The following NAALADL2 variants were observed in gnomAD, a reference collection of about 807,000 sequenced individuals.
NAALADL2 encodes inactive N-acetylated-alpha-linked acidic dipeptidase-like protein 2.
A neutral mutation model predicts 87.2 loss-of-function variants in NAALADL2; 76 were observed. The observed-to-expected ratio is 0.87, with a 90% CI of 0.72 to 1.05. NAALADL2 has a LOEUF of 1.05. Ranked by LOEUF, NAALADL2 falls within the 50% of genes least tolerant of loss-of-function variation. The probability of loss-of-function intolerance (pLI) is 0.00; values close to 1 mark genes in which losing one functional copy is unlikely to be tolerated. For missense variants in NAALADL2, 1,089 were observed against 945.8 expected (o/e 1.15, Z -1.99); for synonymous variants, 354 against 331.0 (o/e 1.07, Z -0.75).
At chr3:174,469,457 C>T (rs1258111914) in intron 1 of NAALADL2, among the ~76,000 whole-genome samples, 2 of 150,864 alleles carry the variant, frequency 1.3e-5, no homozygotes, top group Non-Finnish European at 2.9e-5. Context: ...GAGATGGAGT[C>T]TCGCTCTGTC....
chr3:175,125,779 T>C (rs1054242730), intron 2 of NAALADL2, among the ~76,000 whole-genome samples: 14 of 152,030 alleles, frequency 9.2e-5, no homozygotes, highest in African/African-American at 2.7e-4. Context: ...AGAGTCTATT[T>C]TGGAGATAAA....
chr3:175,770,555 T>G (rs1749356644), intron 13 of NAALADL2, among the ~76,000 whole-genome samples: 1 of 152,200 alleles, frequency 6.6e-6, no homozygotes, highest in Non-Finnish European at 1.5e-5. Context: ...AATAATTGCA[T>G]GCAAATAGTA....
At chr3:174,516,866 A>G (rs187984124) in intron 1 of NAALADL2, among the ~76,000 whole-genome samples, 1 of 152,006 alleles carries the variant, frequency 6.6e-6, no homozygotes, top group Non-Finnish European at 1.5e-5. Context: ...GTTGTTATAT[A>G]TACAAAGAAT....
At chr3:175,309,411 C>A (rs1560331830) in intron 4 of NAALADL2, among the ~76,000 whole-genome samples, 1 of 152,124 alleles carries the variant, frequency 6.6e-6, no homozygotes, top group Non-Finnish European at 1.5e-5. Flanking sequence ...GTCTCAAACT[C>A]CTGACCTCAG....
At chr3:175,756,024 T>C (rs1747222625) in intron 13 of NAALADL2, among the ~76,000 whole-genome samples, 1 of 152,142 alleles carries the variant, frequency 6.6e-6, no homozygotes, top group Non-Finnish European at 1.5e-5. Context: ...TGAAGTTCCT[T>C]ATATAGTAGA....
chr3:174,607,394 C>G (rs1292034640), intron 2 of NAALADL2, among the ~76,000 whole-genome samples: 10 of 150,946 alleles, frequency 6.6e-5, no homozygotes, highest in Non-Finnish European at 1.3e-4. Flanking sequence ...GAGTCAAGAC[C>G]CATCAGTGTG....
chr3:174,786,620 G>C (rs1716713097), intron 3 of NAALADL2, among the ~76,000 whole-genome samples: 1 of 151,264 alleles, frequency 6.6e-6, no homozygotes, highest in Admixed American at 6.6e-5. Context: ...ATCTTTTTTT[G>C]TCTAAGAAAC....
chr3:175,391,381 T>C (rs894767784), intron 5 of NAALADL2, among the ~76,000 whole-genome samples: 2 of 152,186 alleles, frequency 1.3e-5, no homozygotes, highest in Admixed American at 6.5e-5. Context: ...AAAGAGACCA[T>C]AGCTTCCTTC....
intron 2 of NAALADL2, among the ~76,000 whole-genome samples, chr3:174,674,303 C>T (rs1726842189): frequency 6.6e-6 from 1 of 151,974 alleles, no homozygotes; most frequent in Admixed American, 6.6e-5. Context: ...CTCCAGACCC[C>T]ACCTCCAATA....
intron 5 of NAALADL2, among the ~76,000 whole-genome samples, chr3:175,445,957 C>T (rs1338200133): frequency 1.3e-5 from 2 of 152,082 alleles, no homozygotes; most frequent in African/African-American, 2.4e-5. Context: ...GAGGGGCCGG[C>T]CTAGGGTTGC....
At position 174,618,168 on chromosome 3, in the gene NAALADL2, G is replaced by A. The variant is rs116130449; in HGVS notation, c.-115+67531G>A. ...TTTAGATATAGCCATTTCTTGAAGG[G>A]TATATACAAAATGATAACCAGAGGT... On this transcript the variant is annotated intron_variant, in intron 2 of 3. Transcript: ENST00000434257. 4.9e-3 allele frequency among the ~76,000 whole-genome samples: 745 copies of A among 151,782 alleles called. 7 individuals carry two copies. Among genetic ancestry groups the A allele is most frequent in the African/African-American group, 0.017 (706 of 41,516 alleles).
chr3:175,732,623 C>T lies in NAALADL2; in HGVS notation c.1897-4683C>T, dbSNP rs866297383. On this transcript the variant is annotated intron_variant, in intron 11 of 13. Transcript: ENST00000454872. ...AGAGAACTTCCGAGAACATCCTCAT[C>T]GTGTGCTTTGAGAAACACAGAAGTG... Among the ~76,000 whole-genome samples, 16 of 152,072 alleles carry T rather than the reference C, an allele frequency of 1.1e-4. No individual in the cohort carries two copies. In the South Asian group the frequency reaches 2.3e-3, roughly 22 times the overall value.
intron 13 of NAALADL2, among the ~76,000 whole-genome samples, chr3:175,770,517 T>G (rs1311050517): frequency 1.3e-5 from 2 of 152,208 alleles, no homozygotes; most frequent in Non-Finnish European, 2.9e-5. Context: ...AGACTAAAAA[T>G]TTGCCTTGCC....
At chr3:174,493,707 A>G (rs980773022) in intron 1 of NAALADL2, among the ~76,000 whole-genome samples, 2 of 152,136 alleles carry the variant, frequency 1.3e-5, no homozygotes, top group Non-Finnish European at 2.9e-5. Context: ...TATACAACAG[A>G]AGAGGGAACC....
At chr3:175,373,692 G>C (rs962769239) in intron 5 of NAALADL2, among the ~76,000 whole-genome samples, 1 of 152,160 alleles carries the variant, frequency 6.6e-6, no homozygotes, top group East Asian at 1.9e-4. Context: ...GAGTGAAATT[G>C]CTAGGTCACA....
At chr3:174,535,773 ACCTATTGGTTGACTTATAGCT>A (rs1440959869) in intron 1 of NAALADL2, among the ~76,000 whole-genome samples, 1 of 152,132 alleles carries the variant, frequency 6.6e-6, no homozygotes, top group Non-Finnish European at 1.5e-5. Flanking sequence ...TTCAACAAAT[ACCTATTGGTTGACTTATAGCT>A]GATAGGTGCT....
intron 2 of NAALADL2, among the ~76,000 whole-genome samples, chr3:175,211,734 G>C (rs1741795794): frequency 1.3e-5 from 2 of 151,854 alleles, no homozygotes; most frequent in Admixed American, 1.3e-4. Context: ...TAACAAACAA[G>C]AGTTAATCCA....
At chr3:175,369,047 C>T (rs923393620) in intron 5 of NAALADL2, among the ~76,000 whole-genome samples, 17 of 152,150 alleles carry the variant, frequency 1.1e-4, no homozygotes, top group African/African-American at 4.1e-4. Context: ...TTTATAAACA[C>T]TGTACACTTA....
chr3:175,281,901 C>T (rs934390170), intron 4 of NAALADL2, among the ~76,000 whole-genome samples: 2 of 151,932 alleles, frequency 1.3e-5, no homozygotes, highest in Non-Finnish European at 1.5e-5. Context: ...TTAAGATTCA[C>T]TTCTTAAGAC....
Sources: gnomAD v4.1 joint callset for allele counts (sites outside exome capture counted in the v4.1 genomes callset) on GRCh38, gnomAD v4.1.1 for gene constraint, MANE v1.5 for transcripts, NCBI Gene and HGNC (gene_info 2026-07-23, HGNC 2026-07-21) for gene names.